Variants in KMT5C observed in about 807,000 individuals in gnomAD.
The protein encoded by KMT5C is lysine methyltransferase 5C, also known as histone-lysine N-methyltransferase KMT5C.
In KMT5C, 16 loss-of-function variants were observed where a neutral mutation model predicts 38.2. The observed-to-expected ratio is 0.42, with a 90% CI of 0.28 to 0.64. KMT5C has a LOEUF of 0.64. KMT5C is among the 30% of genes least tolerant of loss of function. The pLI is 0.23. For synonymous variants in KMT5C, 291 were observed against 279.0 expected (o/e 1.04, Z -0.43); for missense variants, 598 against 665.1 (o/e 0.90, Z 1.11).
At chr19:55,346,433 T>C (rs972541501) in intron 7 of KMT5C, 67 bp from the exon 8 acceptor site, 9 of 1,606,722 alleles carry the variant, frequency 5.6e-6, no homozygotes, top group Non-Finnish European at 7.7e-6. Flanking sequence ...CATCCCTGAG[T>C]GTGTCCAACC....
intron 1 of KMT5C, 127 bp downstream of exon 1, chr19:55,340,084 C>A (rs1259313828): frequency 6.6e-6 from 1 of 151,206 alleles, no homozygotes; most frequent in African/African-American, 2.4e-5. Context: ...CGTGTCCAGG[C>A]GCCCACGTCT....
intron 8 of KMT5C, 107 bp downstream of exon 8, chr19:55,346,794 C>T: frequency 2.0e-6 from 2 of 1,022,036 alleles, no homozygotes; most frequent in Non-Finnish European, 2.8e-6. Flanking sequence ...TCCCTCCCAC[C>T]CTCAGTCGCT....
intron 6 of KMT5C, among the ~76,000 whole-genome samples, chr19:55,345,497 G>A (rs1475694796): frequency 2.0e-5 from 3 of 152,200 alleles, no homozygotes; most frequent in Admixed American, 6.5e-5. Flanking sequence ...AGGCGAGGAG[G>A]ATGAGGATGC....
At position 55,343,193 on chromosome 19, in the gene KMT5C, C is replaced by CCCCT. The variant is rs1555900558; in HGVS notation, c.386+342_386+343insCCCT. On this transcript the variant is annotated intron_variant, in intron 4 of 8. Coordinates refer to ENST00000255613, the MANE Select transcript of KMT5C (RefSeq NM_032701.4). The surrounding 1 kb of genome is among the most constrained non-coding windows in gnomAD (Gnocchi z 5.5). Reference sequence around the variant, plus strand: ...TGAGGAGCCCCTGCCCCTGCCCCTGCGGGGTTCACAGTCTGGTGAGGAGGT... The same window carrying CCCCT: ...TGAGGAGCCCCTGCCCCTGCCCCTGCCCCTGGGGTTCACAGTCTGGTGAGGAGGT... 7 of 358,874 alleles carry CCCCT rather than the reference C, an allele frequency of 2.0e-5. No individual in the cohort carries two copies. Among genetic ancestry groups the CCCCT allele is most frequent in the South Asian group, 3.2e-5 (1 of 31,238 alleles). 22.2% of individuals were successfully genotyped at this position (358,874 alleles called of 1,614,324 possible).
chr19:55,346,388 G>T, intron 7 of KMT5C, 39 bp downstream of exon 7: 1 of 1,613,254 alleles, frequency 6.2e-7, no homozygotes, highest in Admixed American at 1.7e-5. Flanking sequence ...CGGGTCGTCT[G>T]GGCTTCTTGA....
chr19:55,343,421 A>G lies in KMT5C; in HGVS notation c.387-259A>G, dbSNP rs2089583087. 2 of 532,274 alleles carry G rather than the reference A, an allele frequency of 3.8e-6. No individual in the cohort carries two copies. Among genetic ancestry groups the G allele is most frequent in the Non-Finnish European group, 6.8e-6 (2 of 295,654 alleles). 33.0% of individuals were successfully genotyped at this position (532,274 alleles called of 1,614,324 possible). A position where few individuals can be genotyped will look rare whatever the true frequency, so the allele number is the denominator to read the frequency against. ...AGGTGCTATGAGAGCGAGGGGAGAGAATGGGGGCTGTATCTGCTGTGTGCG... is the reference window on the plus strand; with the variant it reads ...AGGTGCTATGAGAGCGAGGGGAGAGGATGGGGGCTGTATCTGCTGTGTGCG... On this transcript the variant is annotated intron_variant, in intron 4 of 8. Transcript: ENST00000255613. This position sits in a 1 kb window ranked among gnomAD's most constrained non-coding sequence, Gnocchi z 5.5.
intron 6 of KMT5C, chr19:55,344,223 G>A (rs1435013838): frequency 5.4e-5 from 23 of 424,852 alleles, no homozygotes; most frequent in Non-Finnish European, 6.9e-5. Flanking sequence ...TTAGTCGGGC[G>A]TGGTGGCGGG....
At chr19:55,342,643 A>G in intron 3 of KMT5C, 99 bp from the exon 4 acceptor site, 1 of 749,210 alleles carries the variant, frequency 1.3e-6, no homozygotes, top group South Asian at 1.5e-5. Context: ...CCCCAAGACC[A>G]CACAGTGAGT....
chr19:55,342,437 C>T (rs2089570799), intron 3 of KMT5C, 57 bp downstream of exon 3: 1 of 1,325,034 alleles, frequency 7.5e-7, no homozygotes, highest in South Asian at 1.5e-5. Flanking sequence ...CTCACCGGGC[C>T]TGGTCCCGCC....
chr19:55,342,285 C>T lies in KMT5C; in HGVS notation c.181C>T (p.Leu61=), dbSNP rs773316143. 6.2e-7 allele frequency: 1 copy of T among 1,603,526 alleles called. No individual in the cohort carries two copies. Among genetic ancestry groups the T allele is most frequent in the East Asian group, 2.3e-5 (1 of 44,358 alleles). ...ALETFLRQRD[L]EAAYRALTLG... ...GGAAACTTTCCTGAGGCAGCGGGAC[C>T]TGGAGGCTGCGTACCGGGCCCTGAC... is the stretch of plus-strand genomic sequence containing the variant. Residue 61 remains leucine, a synonymous_variant, in exon 3 of 9, where the codon CTG becomes TTG. Coordinates refer to ENST00000255613, the MANE Select transcript of KMT5C (RefSeq NM_032701.4).
rs753682552 is a variant in KMT5C at position 55,346,553 on chromosome 19, G to A, written c.761G>A (p.Arg254Gln). 23 of 1,595,246 alleles carry A rather than the reference G, an allele frequency of 1.4e-5. No homozygotes were observed. In the South Asian group the frequency reaches 1.9e-4, roughly 13 times the overall value. ...TRPREPALPP[R>Q]PLDKYQLRET... Reference sequence around the variant, plus strand: ...CCTAGGGAGCCCGCGTTGCCACCACGGCCCCTGGACAAGTACCAGCTGCGT... The same window carrying A: ...CCTAGGGAGCCCGCGTTGCCACCACAGCCCCTGGACAAGTACCAGCTGCGT... The change falls in exon 8 of 9, where the codon CGG (arginine) becomes CAG (glutamine). Residue 254 changes from arginine (R) to glutamine (Q), a missense_variant. Transcript: ENST00000255613.
At chr19:55,346,147 G>C in intron 6 of KMT5C, 66 bp from the exon 7 acceptor site, 1 of 1,598,690 alleles carries the variant, frequency 6.3e-7, no homozygotes, top group Non-Finnish European at 8.5e-7. Flanking sequence ...GCCCGGCCAG[G>C]TGTGGGGAGT....
intron 1 of KMT5C, among the ~76,000 whole-genome samples, chr19:55,340,471 C>G (rs1305349694): frequency 6.6e-6 from 1 of 152,032 alleles, no homozygotes; most frequent in Non-Finnish European, 1.5e-5. Context: ...CTGTCCCTCT[C>G]CTGGCACTCC....
Position 55,342,810 on chromosome 19 carries a change from C to T in KMT5C, c.345C>T (p.Ser115=), listed in dbSNP as rs2089574683. 1 of 1,613,174 alleles carries T rather than the reference C, an allele frequency of 6.2e-7. No individual in the cohort carries two copies. The highest frequency in any genetic ancestry group is 8.5e-7 in the Non-Finnish European group (1 of 1,179,116). The stretch of plus-strand genomic sequence containing the variant: ...CCATCCTGCCCTGCACGCGCTACTC[C>T]ATGGAGACCAACGGGGCCAAGATCG... ...GFTILPCTRY[S]METNGAKIVS... The change falls in exon 4 of 9, where the codon TCC becomes TCT. Residue 115 remains serine (S), a synonymous_variant. Transcript: ENST00000255613.
Position 55,343,920 on chromosome 19 carries a change from C to T in KMT5C, c.551-58C>T, listed in dbSNP as rs557514397. On this transcript the variant is annotated intron_variant, in intron 5 of 8. Coordinates refer to ENST00000255613, the MANE Select transcript of KMT5C (RefSeq NM_032701.4). This position sits in a 1 kb window ranked among gnomAD's most constrained non-coding sequence, Gnocchi z 5.5. ...GGAGGGGTGTAGTGGGAGGGTTCTGCGACTGAGCTGCCGAGCTCATCTACC... is the reference window on the plus strand; with the variant it reads ...GGAGGGGTGTAGTGGGAGGGTTCTGTGACTGAGCTGCCGAGCTCATCTACC... The T allele has an allele frequency of 1.1e-4, 180 of 1,607,228 alleles. No homozygotes were observed. In the African/African-American group the frequency reaches 1.7e-3, roughly 15 times the overall value.
Position 55,347,575 on chromosome 19 carries a change from C to T in KMT5C, c.*126C>T, listed in dbSNP as rs543869637. 154 of 1,401,648 alleles carry T rather than the reference C, an allele frequency of 1.1e-4. No homozygotes were observed. The African/African-American group carries it at 2.0e-3, about 19-fold the overall frequency. 86.8% of individuals were successfully genotyped at this position (1,401,648 alleles called of 1,614,324 possible). On this transcript the variant is annotated 3_prime_UTR_variant, in exon 9 of 9. Transcript: ENST00000255613. This position sits in a 1 kb window ranked among gnomAD's most constrained non-coding sequence, Gnocchi z 4.6. ...CCTTGACTCCAGCATAGCTCTGACC[C>T]TGGAATGGGGTTGGTTTGGACACCC...
chr19:55,343,392 C>T lies in KMT5C; in HGVS notation c.387-288C>T. ...AGTCCAGGCAGGAGGGATTTGGGGG[C>T]AGGAGGTGCTATGAGAGCGAGGGGA... On this transcript the variant is annotated intron_variant, in intron 4 of 8. Coordinates refer to ENST00000255613, the MANE Select transcript of KMT5C (RefSeq NM_032701.4). This position sits in a 1 kb window ranked among gnomAD's most constrained non-coding sequence, Gnocchi z 5.5. 2.2e-6 allele frequency: 1 copy of T among 465,116 alleles called. No homozygotes were observed. Among genetic ancestry groups the T allele is most frequent in the Non-Finnish European group, 3.9e-6 (1 of 254,652 alleles). 28.8% of individuals were successfully genotyped at this position (465,116 alleles called of 1,614,324 possible).
Position 55,344,096 on chromosome 19 carries a change from C to T in KMT5C, c.570+99C>T, listed in dbSNP as rs565532986. On this transcript the variant is annotated intron_variant, in intron 6 of 8. Coordinates refer to ENST00000255613, the MANE Select transcript of KMT5C (RefSeq NM_032701.4). Reference sequence around the variant, plus strand: ...GGTCAGTAAAGAGCCAAACACCGGCCGGGCGCGGTGGCTCATGCCTGTAAT... The same window carrying T: ...GGTCAGTAAAGAGCCAAACACCGGCTGGGCGCGGTGGCTCATGCCTGTAAT... 200 of 1,354,400 alleles carry T rather than the reference C, an allele frequency of 1.5e-4. 1 individual carries two copies. The highest frequency in any genetic ancestry group is 2.9e-4 in the South Asian group (22 of 76,914). The allele number at this position is 1,354,400 out of a possible 1,614,324, so 83.9% of individuals were successfully genotyped here.
chr19:55,347,646 C>T lies in KMT5C; in HGVS notation c.*197C>T, dbSNP rs1302891191. On this transcript the variant is annotated 3_prime_UTR_variant, in exon 9 of 9. Coordinates refer to ENST00000255613, the MANE Select transcript of KMT5C (RefSeq NM_032701.4). The surrounding 1 kb of genome is among the most constrained non-coding windows in gnomAD (Gnocchi z 4.6). ...CCTTTGTGACTGCTGACCCCTGAGC[C>T]ACCCCCACTCCCACAGGGAGCCCCG... 1.2e-6 allele frequency: 1 copy of T among 857,152 alleles called. No homozygotes were observed. The highest frequency in any genetic ancestry group is 1.6e-6 in the Non-Finnish European group (1 of 608,618). The allele number at this position is 857,152 out of a possible 1,614,324, so 53.1% of individuals were successfully genotyped here.
Sources: allele counts gnomAD v4.1 joint callset (sites outside exome capture counted in the v4.1 genomes callset), GRCh38; gene constraint gnomAD v4.1.1; non-coding constraint Gnocchi (gnomAD v3.1); transcripts MANE v1.5; gene names NCBI Gene and HGNC (gene_info 2026-07-23, HGNC 2026-07-21).